Variants in EEIG2 observed in about 807,000 individuals in gnomAD.
The protein encoded by EEIG2 is family with sequence similarity 102 member B.
the EEIG2 span, among the ~76,000 whole-genome samples, chr1:108,573,842 A>T: frequency 2.6e-5 from 4 of 152,222 alleles, no homozygotes; most frequent in South Asian, 8.3e-4. Flanking sequence ...CCTCTTACTC[A>T]TTAGGATGGC....
chr1:108,616,356 C>T, the EEIG2 span: 9 of 1,489,742 alleles, frequency 6.0e-6, no homozygotes, highest in Middle Eastern at 1.7e-4. Context: ...TTTTTATAAT[C>T]GTGATATTTC....
chr1:108,567,886 T>A, the EEIG2 span, among the ~76,000 whole-genome samples: 2,114 of 152,120 alleles, frequency 0.014, 18 homozygotes, highest in South Asian at 0.034. Flanking sequence ...TGTTCCCAGC[T>A]ACTCAGGGAG....
At chr1:108,600,509 T>C in the EEIG2 span, 1 of 1,586,764 alleles carries the variant, frequency 6.3e-7, no homozygotes, top group Non-Finnish European at 8.6e-7. Context: ...ATGGGTGTGC[T>C]TTTTAACATG....
the EEIG2 span, chr1:108,600,476 G>T: frequency 1.4e-6 from 2 of 1,414,116 alleles, no homozygotes; most frequent in Non-Finnish European, 1.9e-6. Flanking sequence ...CATTACTTTT[G>T]CATGTTAGAC....
the EEIG2 span, chr1:108,560,138 G>A: frequency 1.1e-5 from 2 of 177,126 alleles, no homozygotes; most frequent in South Asian, 1.3e-4. Context: ...CGGCGGCGGC[G>A]GCGGCGAGCT....
the EEIG2 span, among the ~76,000 whole-genome samples, chr1:108,610,008 C>A: frequency 6.6e-6 from 1 of 152,116 alleles, no homozygotes; most frequent in Non-Finnish European, 1.5e-5. Flanking sequence ...CCATAGCAAA[C>A]TATGTGACAA....
the EEIG2 span, among the ~76,000 whole-genome samples, chr1:108,610,604 G>A: frequency 2.8e-4 from 42 of 152,106 alleles, no homozygotes; most frequent in Admixed American, 3.3e-4. Flanking sequence ...ACATATCCAA[G>A]CTTTTTCTGC....
the EEIG2 span, chr1:108,624,941 A>G: frequency 1.8e-6 from 1 of 551,366 alleles, no homozygotes; most frequent in Non-Finnish European, 3.3e-6. Flanking sequence ...TAAAAACTAG[A>G]TGTTACAATG....
the EEIG2 span, chr1:108,616,341 A>T: frequency 3.8e-6 from 5 of 1,331,928 alleles, no homozygotes; most frequent in East Asian, 1.2e-4. Flanking sequence ...GAAGCATTTT[A>T]TAATTTTTTA....
the EEIG2 span, among the ~76,000 whole-genome samples, chr1:108,599,853 G>A: frequency 6.6e-6 from 1 of 152,182 alleles, no homozygotes; most frequent in African/African-American, 2.4e-5. Context: ...TTAGCCTGGC[G>A]TGGTGGCAGG....
At chr1:108,581,764 A>G in the EEIG2 span, among the ~76,000 whole-genome samples, 1 of 152,230 alleles carries the variant, frequency 6.6e-6, no homozygotes, top group African/African-American at 2.4e-5. Context: ...GATGGTATCT[A>G]TTCCTAGTGA....
At chr1:108,624,720 G>C in the EEIG2 span, 3 of 1,614,086 alleles carry the variant, frequency 1.9e-6, no homozygotes, top group Non-Finnish European at 2.5e-6. Flanking sequence ...AAGGTGGAGA[G>C]ACTCTCAAAG....
At chr1:108,614,757 A>C in the EEIG2 span, among the ~76,000 whole-genome samples, 1 of 152,216 alleles carries the variant, frequency 6.6e-6, no homozygotes, top group African/African-American at 2.4e-5. Context: ...CCTCATCAAC[A>C]TATAAAGAAA....
the EEIG2 span, among the ~76,000 whole-genome samples, chr1:108,621,751 T>G: frequency 7.2e-5 from 11 of 152,224 alleles, no homozygotes; most frequent in East Asian, 2.1e-3. Context: ...CATCAGTGAT[T>G]AATGACTATG....
the EEIG2 span, chr1:108,560,314 GC>G: frequency 1.2e-6 from 1 of 839,426 alleles, no homozygotes; most frequent in Non-Finnish European, 1.4e-6. Context: ...CCCCGGCCGC[GC>G]CCCCGCGCAC....
chr1:108,614,545 AT>A, the EEIG2 span, among the ~76,000 whole-genome samples: 3 of 151,918 alleles, frequency 2.0e-5, no homozygotes, highest in Non-Finnish European at 4.4e-5. Context: ...TTAAACTCAA[AT>A]TCCCTCATCT....
the EEIG2 span, among the ~76,000 whole-genome samples, chr1:108,583,803 G>GTATGCAGGACAAAAC: frequency 6.6e-6 from 1 of 152,032 alleles, no homozygotes; most frequent in African/African-American, 2.4e-5. Context: ...GCCAACGATA[G>GTATGCAGGACAAAAC]TATGCAGGAC....
the EEIG2 span, among the ~76,000 whole-genome samples, chr1:108,599,490 C>A: frequency 6.6e-6 from 1 of 151,900 alleles, no homozygotes; most frequent in Non-Finnish European, 1.5e-5. Context: ...AGGCTGAGCA[C>A]CCCCCCACCC....
the EEIG2 span, chr1:108,560,202 C>A: frequency 2.0e-5 from 3 of 150,574 alleles, no homozygotes; most frequent in East Asian, 5.9e-4. Context: ...GACCGCTCCC[C>A]GCGGGCGGTC....
Sources: allele counts gnomAD v4.1 joint callset (sites outside exome capture counted in the v4.1 genomes callset), GRCh38; gene constraint gnomAD v4.1.1; transcripts MANE v1.5; gene names NCBI Gene and HGNC (gene_info 2026-07-23, HGNC 2026-07-21).